R3HCC1L: variants seen among roughly 807,000 people sequenced by gnomAD.
R3HCC1L encodes the protein R3H domain and coiled-coil containing 1 like.
In R3HCC1L, 51 loss-of-function variants were observed where a neutral mutation model predicts 59.9. That is an observed-to-expected ratio of 0.85 (90% CI 0.68 to 1.07). R3HCC1L has a LOEUF of 1.07. Ranked by LOEUF, R3HCC1L falls within the 50% of genes least tolerant of loss-of-function variation. R3HCC1L has a pLI of 0.00. For synonymous variants in R3HCC1L, 322 were observed against 315.2 expected (o/e 1.02, Z -0.23); for missense variants, 965 against 933.0 (o/e 1.03, Z -0.45).
chr10:98,234,785 G>T lies in R3HCC1L; in HGVS notation c.2032+269G>T, dbSNP rs572941885. On this transcript the variant is annotated intron_variant, in intron 7 of 9. Coordinates refer to ENST00000298999, the MANE Select transcript of R3HCC1L (RefSeq NM_001351015.2). ...CATGATAGTACGTAAACAGATTAAG[G>T]TAGAGATTGAAGAATCCAATGGGGC... Among the ~76,000 whole-genome samples the T allele has an allele frequency of 3.4e-3, 524 of 152,254 alleles. 1 individual carries two copies. Among genetic ancestry groups the T allele is most frequent in the Non-Finnish European group, 5.4e-3 (368 of 68,008 alleles).
rs1291155897 is a variant in R3HCC1L at position 98,208,816 on chromosome 10, T to C, written c.702T>C (p.Ile234=). 1 of 1,614,038 alleles carries C rather than the reference T, an allele frequency of 6.2e-7. No individual in the cohort carries two copies. Among genetic ancestry groups the C allele is most frequent in the Admixed American group, 1.7e-5 (1 of 59,994 alleles). The change falls in exon 5 of 10, where the codon ATT becomes ATC. Residue 234 remains isoleucine (I), a synonymous_variant. Transcript: ENST00000298999. ...CTGTCATGAAACCTGAGAATATGATTGTACCAATAAAACTAAGCTCTGATT... is the reference window on the plus strand; with the variant it reads ...CTGTCATGAAACCTGAGAATATGATCGTACCAATAAAACTAAGCTCTGATT... ...FSSVMKPENM[I]VPIKLSSDSE...
intron 4 of R3HCC1L, among the ~76,000 whole-genome samples, chr10:98,191,946 TTCCAAGTAGC>T (rs1347669118): frequency 6.6e-6 from 1 of 152,134 alleles, no homozygotes; most frequent in East Asian, 1.9e-4. Context: ...TACTTCAGCC[TTCCAAGTAGC>T]TGGGATTACA....
chr10:98,135,542 GTT>G (rs1331414903), intron 1 of R3HCC1L, among the ~76,000 whole-genome samples: 1 of 152,168 alleles, frequency 6.6e-6, no homozygotes, highest in Admixed American at 6.5e-5. Context: ...GGTCAGTTGA[GTT>G]TTAAAACCAG....
intron 6 of R3HCC1L, among the ~76,000 whole-genome samples, chr10:98,231,938 A>G (rs1199791399): frequency 6.6e-6 from 1 of 152,180 alleles, no homozygotes; most frequent in African/African-American, 2.4e-5. Context: ...TGATGACTTC[A>G]TGGTGCATTT....
intron 9 of R3HCC1L, among the ~76,000 whole-genome samples, chr10:98,242,942 C>T (rs998718222): frequency 2.6e-5 from 4 of 152,200 alleles, no homozygotes; most frequent in African/African-American, 7.2e-5. Flanking sequence ...CATTCTCTAC[C>T]AGCCTTCATT....
At chr10:98,154,810 A>AT (rs1299964039) in intron 1 of R3HCC1L, among the ~76,000 whole-genome samples, 5 of 152,354 alleles carry the variant, frequency 3.3e-5, no homozygotes, top group Non-Finnish European at 7.4e-5. Flanking sequence ...TTACTGAACT[A>AT]TGAGTACAAA....
Position 98,208,575 on chromosome 10 carries a change from A to C in R3HCC1L, c.461A>C (p.Asp154Ala). The C allele has an allele frequency of 6.2e-7, 1 of 1,614,116 alleles. No homozygotes were observed. Among genetic ancestry groups the C allele is most frequent in the Non-Finnish European group, 8.5e-7 (1 of 1,180,002 alleles). The part of the protein sequence containing the change: ...KVECLEVETT[D>A]VTGHERILLS... ...GAGTGTTTGGAAGTTGAAACTACGGATGTGACAGGACATGAGAGGATACTT... is the reference window on the plus strand; with the variant it reads ...GAGTGTTTGGAAGTTGAAACTACGGCTGTGACAGGACATGAGAGGATACTT... The change falls in exon 5 of 10, where the codon GAT becomes GCT. Residue 154 changes from aspartate to alanine, a missense_variant. Transcript: ENST00000298999.
chr10:98,182,539 C>T (rs1026815452), intron 4 of R3HCC1L, among the ~76,000 whole-genome samples: 6 of 152,154 alleles, frequency 3.9e-5, no homozygotes, highest in Admixed American at 6.5e-5. Context: ...AGAGCTCAAA[C>T]ACCGTGCTCG....
At chr10:98,183,259 T>G (rs1390389004) in intron 4 of R3HCC1L, among the ~76,000 whole-genome samples, 1 of 152,228 alleles carries the variant, frequency 6.6e-6, no homozygotes, top group Admixed American at 6.5e-5. Flanking sequence ...GACAGTTTTT[T>G]CTTTCAGCAC....
intron 4 of R3HCC1L, among the ~76,000 whole-genome samples, chr10:98,169,348 T>C (rs897679245): frequency 6.6e-6 from 1 of 152,252 alleles, no homozygotes; most frequent in Admixed American, 6.5e-5. Flanking sequence ...GTGTGATCTT[T>C]AGTTATTTAA....
Position 98,192,071 on chromosome 10 carries a change from C to T in R3HCC1L, c.-14-16030C>T, listed in dbSNP as rs539596988. Among the ~76,000 whole-genome samples, 25 of 152,176 alleles carry T rather than the reference C, an allele frequency of 1.6e-4. 1 individual carries two copies. The South Asian group carries it at 2.7e-3, about 16-fold the overall frequency. ...AACTCCTGACCTCAGGTGATCCACC[C>T]GCCTCAGCCTCCCAAAGTGCTGGGA... On this transcript the variant is annotated intron_variant, in intron 4 of 9. Coordinates refer to ENST00000298999, the MANE Select transcript of R3HCC1L (RefSeq NM_001351015.2).
At chr10:98,165,435 ATAG>A (rs1847847435) in intron 4 of R3HCC1L, among the ~76,000 whole-genome samples, 1 of 152,240 alleles carries the variant, frequency 6.6e-6, no homozygotes, top group African/African-American at 2.4e-5. Flanking sequence ...AGGAATTATT[ATAG>A]TAGTAGTAAG....
chr10:98,239,968 T>TA (rs1214425232), intron 9 of R3HCC1L, among the ~76,000 whole-genome samples: 1 of 152,184 alleles, frequency 6.6e-6, no homozygotes, highest in Admixed American at 6.5e-5. Context: ...GTGCTGGAGT[T>TA]ACAGACCTGA....
chr10:98,220,240 T>C (rs1854719404), intron 5 of R3HCC1L, among the ~76,000 whole-genome samples: 1 of 152,114 alleles, frequency 6.6e-6, no homozygotes, highest in Non-Finnish European at 1.5e-5. Context: ...AACTCTTTGT[T>C]GAATTTCTCA....
intron 4 of R3HCC1L, among the ~76,000 whole-genome samples, chr10:98,202,397 A>T (rs2135129905): frequency 6.6e-6 from 1 of 152,300 alleles, no homozygotes; most frequent in East Asian, 1.9e-4. Flanking sequence ...TGGATGATCA[A>T]AGTTAAGAGC....
At chr10:98,159,223 C>T (rs758796798) in intron 2 of R3HCC1L, among the ~76,000 whole-genome samples, 6 of 152,074 alleles carry the variant, frequency 3.9e-5, no homozygotes, top group Non-Finnish European at 5.9e-5. Context: ...GCAGGAATAC[C>T]GCAAAGTATT....
intron 5 of R3HCC1L, among the ~76,000 whole-genome samples, chr10:98,230,562 G>A (rs1223272690): frequency 6.6e-6 from 1 of 151,976 alleles, no homozygotes; most frequent in Admixed American, 6.6e-5. Flanking sequence ...AGGGTTTTTT[G>A]TGTCTCTGTC....
At chr10:98,237,099 A>G (rs955546803) in intron 9 of R3HCC1L, among the ~76,000 whole-genome samples, 1 of 152,210 alleles carries the variant, frequency 6.6e-6, no homozygotes, top group Non-Finnish European at 1.5e-5. Context: ...CTGGCCAGAT[A>G]ACCAGTGACA....
chr10:98,138,470 C>T (rs1437826328), intron 1 of R3HCC1L, among the ~76,000 whole-genome samples: 4 of 151,784 alleles, frequency 2.6e-5, no homozygotes, highest in East Asian at 3.9e-4. Flanking sequence ...GAGGTAGGCT[C>T]ATTTGAGGCC....
Sources: gnomAD v4.1 joint callset for allele counts (sites outside exome capture counted in the v4.1 genomes callset) on GRCh38, gnomAD v4.1.1 for gene constraint, MANE v1.5 for transcripts, NCBI Gene and HGNC (gene_info 2026-07-23, HGNC 2026-07-21) for gene names.